CDH23: variants seen among roughly 807,000 people sequenced by gnomAD.
CDH23 encodes cadherin-23.
In CDH23, 189 loss-of-function variants were observed where a neutral mutation model predicts 317.1. That is an observed-to-expected ratio of 0.60 (90% CI 0.53 to 0.67). The LOEUF is 0.67. CDH23 is among the 30% of genes least tolerant of loss of function. The pLI, the probability that CDH23 is intolerant of heterozygous loss-of-function variation, is 0.00. For synonymous variants in CDH23, 1,839 were observed against 1,876.8 expected (o/e 0.98, Z 0.52); for missense variants, 4,401 against 4,592.4 (o/e 0.96, Z 1.20).
chr10:71,427,767 C>T lies in CDH23; in HGVS notation c.-5-12060C>T, dbSNP rs1027271274. On this transcript the variant is annotated intron_variant, in intron 1 of 69. Coordinates refer to ENST00000224721, the MANE Select transcript of CDH23 (RefSeq NM_022124.6). ...TCACTCTGTTGCCCAGGCTGGAGTG[C>T]GGTGGTGCAATCCTGGCTCACTGCA... 3.4e-5 allele frequency among the ~76,000 whole-genome samples: 5 copies of T among 148,194 alleles called. 1 individual carries two copies. The East Asian group carries it at 5.9e-4, about 18-fold the overall frequency.
At chr10:71,679,267 G>T (rs1864507091) in intron 16 of CDH23, 120 bp from the exon 17 acceptor site, 1 of 745,850 alleles carries the variant, frequency 1.3e-6, no homozygotes, top group Non-Finnish European at 2.3e-6. Flanking sequence ...CCCAGGGCTG[G>T]ATCACCCAAA....
chr10:71,471,858 T>C (rs1851533034), intron 3 of CDH23, among the ~76,000 whole-genome samples: 2 of 152,244 alleles, frequency 1.3e-5, no homozygotes, highest in African/African-American at 4.8e-5. Context: ...TCTGTACTCA[T>C]GGCCTGTAAT....
intron 50 of CDH23, 58 bp downstream of exon 50, chr10:71,798,636 C>T: frequency 7.4e-7 from 1 of 1,359,302 alleles, no homozygotes; most frequent in Admixed American, 2.2e-5. Context: ...CTTGCTTAGT[C>T]CCCAAGAGAG....
chr10:71,511,398 G>A (rs549559752), intron 6 of CDH23, among the ~76,000 whole-genome samples, 186 bp downstream of exon 6: 16 of 152,168 alleles, frequency 1.1e-4, no homozygotes, highest in Non-Finnish European at 2.1e-4. Flanking sequence ...CCCAGCCTGG[G>A]GTTGGGAAGA....
chr10:71,779,998 A>C (rs1400252123), intron 41 of CDH23, among the ~76,000 whole-genome samples: 1 of 152,200 alleles, frequency 6.6e-6, no homozygotes, highest in Non-Finnish European at 1.5e-5. Context: ...TCAGGCAAGG[A>C]GCCTTCGTGG....
At chr10:71,813,635 G>A (rs371164745) in intron 69 of CDH23, among the ~76,000 whole-genome samples, 34 of 152,268 alleles carry the variant, frequency 2.2e-4, no homozygotes, top group Middle Eastern at 3.4e-3. Flanking sequence ...GGCTGGGTGC[G>A]GTGGTTCACA....
At chr10:71,480,555 T>C (rs1377528526) in intron 3 of CDH23, among the ~76,000 whole-genome samples, 1 of 152,116 alleles carries the variant, frequency 6.6e-6, no homozygotes, top group Non-Finnish European at 1.5e-5. Context: ...ACAACTTGGA[T>C]GTGAGGATGG....
intron 6 of CDH23, among the ~76,000 whole-genome samples, chr10:71,537,127 TGAGGGCCTGGGGGTGAAAGCAAGAGGCAA>T (rs1039281057): frequency 6.6e-6 from 1 of 152,046 alleles, no homozygotes; most frequent in Non-Finnish European, 1.5e-5. Flanking sequence ...GGCCCATGGC[TGAGGGCCTGGGGGTGAAAGCAAGAGGCAA>T]GTGCCCACCC....
chr10:71,798,837 C>T lies in CDH23; in HGVS notation c.7054+259C>T, dbSNP rs558019449. On this transcript the variant is annotated intron_variant, in intron 50 of 69. Coordinates refer to ENST00000224721, the MANE Select transcript of CDH23 (RefSeq NM_022124.6). ...CCCAAGCTCCTACTATTAGTACCAC[C>T]GAGGGAGCAGGAAGGCCAAGAAGGA... 9.8e-4 allele frequency among the ~76,000 whole-genome samples: 150 copies of T among 152,318 alleles called. 1 individual carries two copies. The highest frequency in any genetic ancestry group is 3.4e-3 in the African/African-American group (143 of 41,570).
At chr10:71,650,612 G>A (rs144268488) in intron 14 of CDH23, among the ~76,000 whole-genome samples, 4 of 152,332 alleles carry the variant, frequency 2.6e-5, no homozygotes, top group East Asian at 3.9e-4. Flanking sequence ...TTGGGGATGT[G>A]CGTACACTAT....
chr10:71,620,406 G>A (rs1235098551), intron 11 of CDH23, among the ~76,000 whole-genome samples: 2 of 152,142 alleles, frequency 1.3e-5, no homozygotes, highest in African/African-American at 2.4e-5. Context: ...GCCACCAGAT[G>A]TAAGGCCGGA....
intron 14 of CDH23, among the ~76,000 whole-genome samples, chr10:71,660,709 T>C (rs1443526763): frequency 6.6e-6 from 1 of 151,298 alleles, no homozygotes; most frequent in Non-Finnish European, 1.5e-5. Context: ...AAAAAAAAAA[T>C]CAGTTTCTGT....
chr10:71,536,216 T>G (rs919418040), intron 6 of CDH23, among the ~76,000 whole-genome samples: 1 of 152,220 alleles, frequency 6.6e-6, no homozygotes, highest in African/African-American at 2.4e-5. Flanking sequence ...CTGACAGGCC[T>G]CTGTGGAAGG....
intron 3 of CDH23, among the ~76,000 whole-genome samples, chr10:71,484,370 A>C (rs1327488832): frequency 2.0e-5 from 3 of 152,216 alleles, no homozygotes; most frequent in African/African-American, 7.2e-5. Flanking sequence ...CAGGAGAAAG[A>C]GGAGGCAGCG....
chr10:71,797,772 G>A (rs1214194246), intron 49 of CDH23, among the ~76,000 whole-genome samples: 1 of 151,644 alleles, frequency 6.6e-6, no homozygotes, highest in African/African-American at 2.4e-5. Flanking sequence ...CCTGAGGCGT[G>A]GGCTGGGAGG....
intron 11 of CDH23, among the ~76,000 whole-genome samples, chr10:71,618,836 T>C (rs933119949): frequency 2.0e-5 from 3 of 149,728 alleles, no homozygotes; most frequent in Non-Finnish European, 4.4e-5. Flanking sequence ...CAAGTGTGTG[T>C]GCACACGTGT....
At chr10:71,800,143 C>G (rs1323679106) in intron 52 of CDH23, among the ~76,000 whole-genome samples, 4 of 152,226 alleles carry the variant, frequency 2.6e-5, no homozygotes, top group African/African-American at 9.7e-5. Context: ...TTTCAAATGT[C>G]TGCTAATTGG....
At chr10:71,462,255 G>T (rs564066553) in intron 3 of CDH23, among the ~76,000 whole-genome samples, 26 of 152,222 alleles carry the variant, frequency 1.7e-4, no homozygotes, top group Non-Finnish European at 3.7e-4. Context: ...ACACAGAGTG[G>T]TGGTGCAGCA....
intron 6 of CDH23, among the ~76,000 whole-genome samples, chr10:71,558,279 C>A (rs10823784): frequency 0.3 from 45,820 of 152,052 alleles, 7,345 homozygotes; most frequent in East Asian, 0.66. Flanking sequence ...GGATTACAGG[C>A]ATGAGCCACC....
Sources: allele counts gnomAD v4.1 joint callset (sites outside exome capture counted in the v4.1 genomes callset), GRCh38; gene constraint gnomAD v4.1.1; transcripts MANE v1.5; gene names NCBI Gene and HGNC (gene_info 2026-07-23, HGNC 2026-07-21).